CMC1: variants seen among roughly 807,000 people sequenced by gnomAD.
The protein encoded by CMC1 is COX assembly mitochondrial protein homolog.
Under a neutral mutation model 14.1 loss-of-function variants are expected in CMC1, and 14 were observed. The ratio of observed to expected loss-of-function variants is 0.99; its 90% confidence interval spans 0.66 to 1.55. The LOEUF is 1.55. CMC1 is among the 40% of genes most tolerant of loss of function. The pLI is 0.00. For missense variants in CMC1, 127 were observed against 123.8 expected, an observed-to-expected ratio of 1.03 and a Z score of -0.12; for synonymous variants, 50 against 38.4, an observed-to-expected ratio of 1.30 and a Z score of -1.12.
In CMC1 at chr3:28,297,849, A is replaced by G. The variant is rs1019481622; in HGVS notation, c.110-18484A>G. On this transcript the variant is annotated intron_variant, in intron 2 of 3. Transcript: ENST00000466830. Reference sequence around the variant, plus strand: ...ACATGGACATGTGTTGTAGTGGTTCATTACAGTTTTTGTGCTTGCACTGTT... The same window carrying G: ...ACATGGACATGTGTTGTAGTGGTTCGTTACAGTTTTTGTGCTTGCACTGTT... Among the ~76,000 whole-genome samples the G allele has an allele frequency of 2.6e-5, 4 of 152,008 alleles. No homozygotes were observed. The East Asian group carries it at 7.7e-4, about 29-fold the overall frequency.
intron 1 of CMC1, among the ~76,000 whole-genome samples, chr3:28,253,284 A>G (rs1699225391): frequency 6.6e-6 from 1 of 152,186 alleles, no homozygotes; most frequent in Non-Finnish European, 1.5e-5. Context: ...TAGCTAGTAA[A>G]GAAGAGGGAC....
At chr3:28,253,620 T>C in intron 1 of CMC1, 1 of 464,778 alleles carries the variant, frequency 2.2e-6, no homozygotes, top group Non-Finnish European at 3.4e-6. Flanking sequence ...CCCAAAAAAC[T>C]CCCCCCAAAA....
At chr3:28,289,274 T>C (rs1701349686) in intron 2 of CMC1, among the ~76,000 whole-genome samples, 1 of 151,892 alleles carries the variant, frequency 6.6e-6, no homozygotes, top group Non-Finnish European at 1.5e-5. Context: ...GCAAATAAAC[T>C]TTAGCTAGGT....
At chr3:28,273,646 G>A (rs1164042887) in intron 2 of CMC1, among the ~76,000 whole-genome samples, 2 of 152,152 alleles carry the variant, frequency 1.3e-5, no homozygotes, top group African/African-American at 4.8e-5. Flanking sequence ...TTCAAGTCCT[G>A]AATATCTTTG....
intron 2 of CMC1, among the ~76,000 whole-genome samples, chr3:28,302,105 C>T (rs80141017): frequency 0.027 from 4,180 of 152,256 alleles, 92 homozygotes; most frequent in Middle Eastern, 0.061. Context: ...CCAGGGCCCT[C>T]GATAAGTAGT....
At chr3:28,255,754 C>CACAT (rs61656388) in intron 1 of CMC1, among the ~76,000 whole-genome samples, 1 of 150,316 alleles carries the variant, frequency 6.7e-6, no homozygotes, top group Admixed American at 6.7e-5. Flanking sequence ...CACACACACA[C>CACAT]GCGACAGAGA....
chr3:28,267,685 C>T (rs1041183957), intron 2 of CMC1, among the ~76,000 whole-genome samples: 4 of 152,172 alleles, frequency 2.6e-5, no homozygotes, highest in African/African-American at 9.7e-5. Flanking sequence ...ATAAAATGCG[C>T]TCTTCTGTCA....
At chr3:28,263,202 T>A in intron 1 of CMC1, 89 bp from the exon 2 acceptor site, 4 of 905,214 alleles carry the variant, frequency 4.4e-6, no homozygotes, top group Non-Finnish European at 5.1e-6. Flanking sequence ...TTGCATAGGC[T>A]TTTATTTTAA....
intron 2 of CMC1, among the ~76,000 whole-genome samples, chr3:28,278,044 C>CTTATTGTGTGATTGATG (rs1700671924): frequency 7.0e-6 from 1 of 143,618 alleles, no homozygotes; most frequent in East Asian, 2.2e-4. Flanking sequence ...CCATTTTTGT[C>CTTATTGTGTGATTGATG]TGATTGTGTG....
chr3:28,295,136 C>T lies in CMC1; in HGVS notation c.110-21197C>T, dbSNP rs1245304005. Among the ~76,000 whole-genome samples the T allele has an allele frequency of 2.6e-5, 4 of 152,192 alleles. 1 individual carries two copies. The East Asian group carries it at 7.7e-4, about 29-fold the overall frequency. ...TCGTTTTTACTCTTAAGTGTGTAAG[C>T]CATTTTTAATGTATGTCTTTTGTCT... On this transcript the variant is annotated intron_variant, in intron 2 of 3. Coordinates refer to ENST00000466830, the MANE Select transcript of CMC1 (RefSeq NM_182523.2).
Position 28,319,676 on chromosome 3 carries a change from AT to A in CMC1, c.*51del, listed in dbSNP as rs777778622. 1.3e-6 allele frequency: 2 copies of A among 1,521,172 alleles called. No individual in the cohort carries two copies. The highest frequency in any genetic ancestry group is 1.3e-5 in the South Asian group (1 of 79,366). 94.2% of individuals were successfully genotyped at this position (1,521,172 alleles called of 1,614,324 possible). A position where few individuals can be genotyped will look rare whatever the true frequency, so the allele number is the denominator to read the frequency against. Reference sequence around the variant, plus strand: ...AGGAACTCTAATATTCATGGAAGTCATTTTATAGTCCTTAAATAATGGACTC... The same window carrying A: ...AGGAACTCTAATATTCATGGAAGTCATTTATAGTCCTTAAATAATGGACTC... On this transcript the variant is annotated 3_prime_UTR_variant, in exon 4 of 4. Coordinates refer to ENST00000466830, the MANE Select transcript of CMC1 (RefSeq NM_182523.2).
chr3:28,285,320 G>A (rs139363874), intron 2 of CMC1, among the ~76,000 whole-genome samples: 111 of 151,572 alleles, frequency 7.3e-4, no homozygotes, highest in African/African-American at 2.6e-3. Context: ...AGCTGTTTAT[G>A]GATGGAATTA....
chr3:28,323,119 A>G lies in CMC1; in HGVS notation c.*3490A>G, dbSNP rs1703241036. The G allele has an allele frequency of 6.6e-6, 1 of 151,140 alleles. No individual in the cohort carries two copies. The highest frequency in any genetic ancestry group is 6.6e-5 in the Admixed American group (1 of 15,100). 9.4% of individuals were successfully genotyped at this position (151,140 alleles called of 1,614,324 possible). A position where few individuals can be genotyped will look rare whatever the true frequency, so the allele number is the denominator to read the frequency against. On this transcript the variant is annotated 3_prime_UTR_variant, in exon 4 of 4. Coordinates refer to ENST00000466830, the MANE Select transcript of CMC1 (RefSeq NM_182523.2). ...TTAAATCACTTTCTCAATAAATAGA[A>G]TATTACATTTCAACACAAAGTCTAA...
chr3:28,315,768 C>G (rs1312462447), intron 2 of CMC1: 1 of 152,140 alleles, frequency 6.6e-6, no homozygotes, highest in Non-Finnish European at 1.5e-5. Flanking sequence ...TATACAAGTA[C>G]TTACCTTTCT....
chr3:28,275,324 G>T (rs1166367982), intron 2 of CMC1, among the ~76,000 whole-genome samples: 31 of 108,444 alleles, frequency 2.9e-4, no homozygotes, highest in Non-Finnish European at 5.7e-4. Flanking sequence ...ACTGTTAGTT[G>T]TTTGTTTTTT....
intron 2 of CMC1, among the ~76,000 whole-genome samples, chr3:28,293,915 G>A (rs1009224047): frequency 1.3e-5 from 2 of 152,140 alleles, no homozygotes; most frequent in Non-Finnish European, 2.9e-5. Context: ...GAAAACCTGT[G>A]TAGTTCTGTA....
At chr3:28,319,222 GATTTA>G (rs1417261686) in intron 3 of CMC1, 2 of 477,360 alleles carry the variant, frequency 4.2e-6, no homozygotes, top group Admixed American at 4.6e-5. Context: ...GTATTTTGTA[GATTTA>G]ATTTTAATCC....
chr3:28,277,596 A>C (rs763229767), intron 2 of CMC1, among the ~76,000 whole-genome samples: 10 of 152,212 alleles, frequency 6.6e-5, no homozygotes, highest in Non-Finnish European at 1.5e-4. Flanking sequence ...CTGATGTTGA[A>C]AATGAGGCTG....
At chr3:28,253,593 C>A (rs1699246643) in intron 1 of CMC1, 1 of 419,860 alleles carries the variant, frequency 2.4e-6, no homozygotes, top group Non-Finnish European at 4.3e-6. Flanking sequence ...AAAACAAAAA[C>A]CAAAACCAAA....
Sources: gnomAD v4.1 joint callset for allele counts (sites outside exome capture counted in the v4.1 genomes callset) on GRCh38, gnomAD v4.1.1 for gene constraint, MANE v1.5 for transcripts, NCBI Gene and HGNC (gene_info 2026-07-23, HGNC 2026-07-21) for gene names.